Variants in FCHSD2 observed in about 807,000 individuals in gnomAD.
FCHSD2 encodes the protein F-BAR and double SH3 domains protein 2.
A neutral mutation model predicts 108.1 loss-of-function variants in FCHSD2; 38 were observed. That is an observed-to-expected ratio of 0.35 (90% confidence interval 0.27 to 0.46). FCHSD2 has a LOEUF of 0.46. Ranked by LOEUF, FCHSD2 falls within the 20% of genes least tolerant of loss-of-function variation. FCHSD2 has a pLI of 1.00. For synonymous variants in FCHSD2, 279 were observed against 314.7 expected, an observed-to-expected ratio of 0.89 and a Z score of 1.20; for missense variants, 751 against 897.8, an observed-to-expected ratio of 0.84 and a Z score of 2.09.
intron 8 of FCHSD2, among the ~76,000 whole-genome samples, chr11:72,957,860 A>T (rs1448016954): frequency 6.6e-6 from 1 of 152,224 alleles, no homozygotes. Flanking sequence ...GAGGGAACAA[A>T]CAGAACAAAA....
At position 73,011,727 on chromosome 11, in the gene FCHSD2, A is replaced by T. The variant is rs191203349; in HGVS notation, c.242+4082T>A. 1.9e-3 allele frequency among the ~76,000 whole-genome samples: 289 copies of T among 152,338 alleles called. 4 individuals are homozygous for T. The highest frequency in any genetic ancestry group is 0.017 in the Admixed American group (255 of 15,300). ...AGGGCTCTTCCATGGCCAGCACTAC[A>T]GAAGTCTACAGTGGGAATGTGGACC... On this transcript the variant is annotated intron_variant, in intron 4 of 19. Transcript: ENST00000409418.
chr11:72,957,950 T>C (rs1030042296), intron 8 of FCHSD2, among the ~76,000 whole-genome samples: 1 of 152,200 alleles, frequency 6.6e-6, no homozygotes, highest in African/African-American at 2.4e-5. Flanking sequence ...TAAATTATTT[T>C]AAAAAGTTAA....
At chr11:73,010,824 C>T (rs1857846378) in intron 4 of FCHSD2, among the ~76,000 whole-genome samples, 1 of 152,198 alleles carries the variant, frequency 6.6e-6, no homozygotes, top group South Asian at 2.1e-4. Context: ...TCTTGGCCTT[C>T]AGGTGGCTTA....
At chr11:73,036,436 T>C (rs1858499987) in intron 3 of FCHSD2, among the ~76,000 whole-genome samples, 1 of 152,196 alleles carries the variant, frequency 6.6e-6, no homozygotes, top group South Asian at 2.1e-4. Context: ...CTACTATTTA[T>C]TTATAAATTG....
intron 3 of FCHSD2, among the ~76,000 whole-genome samples, chr11:73,065,888 C>T (rs111616537): frequency 0.013 from 2,045 of 152,108 alleles, 47 homozygotes; most frequent in African/African-American, 0.045. Flanking sequence ...TCCATGCTTA[C>T]GGCTAGGAAG....
chr11:72,869,117 G>A (rs779975763), intron 12 of FCHSD2, among the ~76,000 whole-genome samples: 1 of 151,898 alleles, frequency 6.6e-6, no homozygotes, highest in Non-Finnish European at 1.5e-5. Context: ...AAGTTGGCCA[G>A]GCTGGTGTCG....
chr11:73,140,903 G>A (rs967816575), intron 1 of FCHSD2, among the ~76,000 whole-genome samples: 7 of 152,200 alleles, frequency 4.6e-5, no homozygotes, highest in African/African-American at 1.4e-4. Context: ...AGGGGTGGGG[G>A]TACATGTTCG....
At chr11:73,107,673 C>A (rs1284839450) in intron 2 of FCHSD2, among the ~76,000 whole-genome samples, 1 of 152,204 alleles carries the variant, frequency 6.6e-6, no homozygotes, top group Non-Finnish European at 1.5e-5. Flanking sequence ...ATTTTTAGCT[C>A]CTACAAATAA....
chr11:73,064,382 G>C (rs1859240562), intron 3 of FCHSD2, among the ~76,000 whole-genome samples: 1 of 151,664 alleles, frequency 6.6e-6, no homozygotes, highest in Admixed American at 6.6e-5. Context: ...AAGAACTAGA[G>C]AAGCAACAGC....
At chr11:72,941,798 T>C (rs1314582977) in intron 8 of FCHSD2, among the ~76,000 whole-genome samples, 1 of 152,124 alleles carries the variant, frequency 6.6e-6, no homozygotes, top group Non-Finnish European at 1.5e-5. Flanking sequence ...AAATGAAAAG[T>C]ATTAACCAAT....
At chr11:72,985,445 T>A (rs1857292918) in intron 6 of FCHSD2, among the ~76,000 whole-genome samples, 1 of 151,740 alleles carries the variant, frequency 6.6e-6, no homozygotes, top group Non-Finnish European at 1.5e-5. Context: ...TTATAGACTA[T>A]TCTCAGTACC....
intron 9 of FCHSD2, among the ~76,000 whole-genome samples, chr11:72,911,903 T>C (rs1184923181): frequency 6.6e-6 from 1 of 152,186 alleles, no homozygotes; most frequent in African/African-American, 2.4e-5. Flanking sequence ...TTTTAATGTA[T>C]TTGTAGCTAT....
At chr11:73,128,698 C>T (rs1860917798) in intron 2 of FCHSD2, among the ~76,000 whole-genome samples, 1 of 152,094 alleles carries the variant, frequency 6.6e-6, no homozygotes, top group African/African-American at 2.4e-5. Context: ...AGAAACTATC[C>T]AGCAATCACG....
chr11:72,991,854 A>T (rs1857422169), intron 5 of FCHSD2, among the ~76,000 whole-genome samples: 2 of 152,212 alleles, frequency 1.3e-5, no homozygotes, highest in South Asian at 4.1e-4. Context: ...CTGGCACAAG[A>T]CAGGGATGCC....
chr11:72,901,807 A>G (rs1855531420), intron 10 of FCHSD2, among the ~76,000 whole-genome samples: 1 of 152,210 alleles, frequency 6.6e-6, no homozygotes, highest in African/African-American at 2.4e-5. Flanking sequence ...ATCTTTTATA[A>G]GACCAACCAA....
intron 10 of FCHSD2, 49 bp from the exon 11 acceptor site, chr11:72,889,994 A>C: frequency 1.7e-6 from 2 of 1,150,796 alleles, no homozygotes. Context: ...TCCTTATTGT[A>C]ACCACTACTG....
intron 9 of FCHSD2, among the ~76,000 whole-genome samples, chr11:72,907,667 T>G (rs1406480277): frequency 1.5e-5 from 2 of 133,398 alleles, no homozygotes; most frequent in Non-Finnish European, 3.1e-5. Flanking sequence ...CTTGGCTCAC[T>G]GCAACCTCCA....
At chr11:72,856,109 C>T (rs956854164) in intron 13 of FCHSD2, among the ~76,000 whole-genome samples, 1 of 152,164 alleles carries the variant, frequency 6.6e-6, no homozygotes, top group Admixed American at 6.5e-5. Context: ...AGAGCCATTA[C>T]ATTAATTAAT....
chr11:73,104,132 T>A (rs1044893580), intron 2 of FCHSD2, among the ~76,000 whole-genome samples: 6 of 152,282 alleles, frequency 3.9e-5, no homozygotes, highest in Middle Eastern at 3.2e-3. Context: ...GCTAACAGTG[T>A]AATTCCAGTC....
Sources: gnomAD v4.1 joint callset for allele counts (sites outside exome capture counted in the v4.1 genomes callset) on GRCh38, gnomAD v4.1.1 for gene constraint, MANE v1.5 for transcripts, NCBI Gene and HGNC (gene_info 2026-07-23, HGNC 2026-07-21) for gene names.